Variants in KCNQ2 observed in about 807,000 individuals in gnomAD.
KCNQ2 encodes the protein potassium voltage-gated channel subfamily KQT member 2.
A neutral mutation model predicts 84.8 loss-of-function variants in KCNQ2; 14 were observed. That is an observed-to-expected ratio of 0.17 (90% CI 0.11 to 0.26). KCNQ2 has a LOEUF of 0.26. KCNQ2 is among the 10% of genes least tolerant of loss of function. The pLI is 1.00. For synonymous variants in KCNQ2, 599 were observed against 554.1 expected (o/e 1.08, Z -1.14); for missense variants, 788 against 1,254.0 (o/e 0.63, Z 5.61).
At chr20:63,440,481 C>G (rs954094680) in intron 5 of KCNQ2, among the ~76,000 whole-genome samples, 1 of 152,164 alleles carries the variant, frequency 6.6e-6, no homozygotes, top group Non-Finnish European at 1.5e-5. Flanking sequence ...CAGAACCGCA[C>G]GCACCACAAG....
intron 1 of KCNQ2, among the ~76,000 whole-genome samples, chr20:63,462,988 C>T (rs2081993099): frequency 6.6e-6 from 1 of 152,014 alleles, no homozygotes; most frequent in Non-Finnish European, 1.5e-5. Flanking sequence ...TGGGGCAGCG[C>T]AGAGGGGGCA....
At chr20:63,442,819 C>T (rs1189663323) in intron 4 of KCNQ2, among the ~76,000 whole-genome samples, 12 of 90,962 alleles carry the variant, frequency 1.3e-4, no homozygotes, top group East Asian at 3.7e-4. Context: ...CCACCACCAT[C>T]ACCATCACCA....
intron 1 of KCNQ2, among the ~76,000 whole-genome samples, chr20:63,450,400 GC>G (rs2081575186): frequency 6.8e-6 from 1 of 147,536 alleles, no homozygotes. Flanking sequence ...ACTGATGCCT[GC>G]CCCCGCTCCC....
intron 10 of KCNQ2, among the ~76,000 whole-genome samples, chr20:63,426,551 G>A (rs1029147575): frequency 4.7e-5 from 7 of 150,208 alleles, no homozygotes; most frequent in Admixed American, 4.7e-4. Flanking sequence ...GTGCTGCTCT[G>A]AATCTCCCTG....
At chr20:63,430,821 C>T (rs142111349) in intron 9 of KCNQ2, among the ~76,000 whole-genome samples, 512 of 152,300 alleles carry the variant, frequency 3.4e-3, no homozygotes, top group Non-Finnish European at 5.4e-3. Flanking sequence ...CTAGCTGGCC[C>T]GCAGAGGCTG....
intron 12 of KCNQ2, among the ~76,000 whole-genome samples, chr20:63,416,901 G>A (rs1458207631): frequency 4.6e-5 from 7 of 152,044 alleles, no homozygotes; most frequent in Non-Finnish European, 1.5e-5. Context: ...CAGACCATCT[G>A]TGCCCACTCA....
At chr20:63,434,936 GTC>G (rs1449423381) in intron 7 of KCNQ2, among the ~76,000 whole-genome samples, 2 of 152,334 alleles carry the variant, frequency 1.3e-5, no homozygotes, top group Middle Eastern at 3.4e-3. Flanking sequence ...ATTCTTTTGT[GTC>G]TGTCTATACC....
intron 1 of KCNQ2, among the ~76,000 whole-genome samples, chr20:63,467,310 C>G (rs1192856532): frequency 6.6e-6 from 1 of 152,234 alleles, no homozygotes; most frequent in Non-Finnish European, 1.5e-5. Flanking sequence ...CTCTGTGTAG[C>G]AGATTCATCT....
chr20:63,431,396 G>A, intron 8 of KCNQ2, 27 bp from the exon 9 acceptor site: 3 of 1,613,258 alleles, frequency 1.9e-6, no homozygotes, highest in Non-Finnish European at 2.5e-6. Context: ...CACACACAAA[G>A]GGAAAAGAAC....
chr20:63,412,999 A>C (rs6062444), intron 15 of KCNQ2, among the ~76,000 whole-genome samples: 37,609 of 152,016 alleles, frequency 0.25, 5,678 homozygotes, highest in Non-Finnish European at 0.36. Context: ...GGCCCACGGG[A>C]ACCCTGCAGC....
intron 11 of KCNQ2, 36 bp from the exon 12 acceptor site, chr20:63,419,708 C>A: frequency 6.3e-7 from 1 of 1,581,656 alleles, no homozygotes; most frequent in East Asian, 2.3e-5. Context: ...TCCTGGGCGC[C>A]GGCAACAGCA....
intron 1 of KCNQ2, among the ~76,000 whole-genome samples, chr20:63,465,868 C>T (rs1029278248): frequency 6.6e-6 from 1 of 152,172 alleles, no homozygotes; most frequent in Non-Finnish European, 1.5e-5. Context: ...CGTTTCCGCT[C>T]GACGCTCCGT....
chr20:63,448,216 T>G (rs1437869290), intron 1 of KCNQ2: 3 of 152,386 alleles, frequency 2.0e-5, no homozygotes, highest in African/African-American at 7.2e-5. Flanking sequence ...AAGCAAATGC[T>G]TTGTCTCATT....
chr20:63,426,892 C>T (rs746502057), intron 10 of KCNQ2, among the ~76,000 whole-genome samples: 3 of 152,198 alleles, frequency 2.0e-5, no homozygotes, highest in African/African-American at 4.8e-5. Context: ...TCATCCAAAT[C>T]CCATCAGTTC....
At position 63,407,371 on chromosome 20, in the gene KCNQ2, A is replaced by G; in HGVS notation, c.1892T>C (p.Leu631Ser). Reference sequence around the variant, plus strand: ...GAAGTCCAGCTTCTTCTCCATGGACAAGACCTGCAAAAGGGGCTGCTGGGC... The same window carrying G: ...GAAGTCCAGCTTCTTCTCCATGGACGAGACCTGCAAAAGGGGCTGCTGGGC... ...GRLGKVEKQV[L>S]SMEKKLDFLV... The change falls in exon 17 of 17, where the codon TTG (leucine) becomes TCG (serine). Residue 631 changes from leucine to serine, a missense_variant. Physicochemically the swap from Leu to Ser is moderately radical, Grantham distance 145 (BLOSUM62 -2). This residue lies in a region of KCNQ2 where 378 missense variants were observed against 434.5 expected (regional missense o/e 0.87). Transcript: ENST00000359125. This position sits in a 1 kb window ranked among gnomAD's most constrained non-coding sequence, Gnocchi z 7.2. The G allele has an allele frequency of 1.3e-6, 2 of 1,597,834 alleles. No homozygotes were observed. Among genetic ancestry groups the G allele is most frequent in the South Asian group, 1.1e-5 (1 of 91,004 alleles).
intron 10 of KCNQ2, among the ~76,000 whole-genome samples, chr20:63,427,513 C>T (rs1402540310): frequency 1.3e-5 from 2 of 152,360 alleles, no homozygotes; most frequent in African/African-American, 2.4e-5. Context: ...CAGTCCTAGA[C>T]GCCAGAGTCC....
At chr20:63,466,670 T>G (rs1407062358) in intron 1 of KCNQ2, 1 of 151,972 alleles carries the variant, frequency 6.6e-6, no homozygotes, top group Non-Finnish European at 1.5e-5. Context: ...TGCAGACAGG[T>G]TACCCCCACC....
intron 1 of KCNQ2, among the ~76,000 whole-genome samples, chr20:63,455,410 C>T (rs1035533197): frequency 3.9e-5 from 6 of 152,146 alleles, no homozygotes; most frequent in African/African-American, 9.7e-5. Flanking sequence ...CCGCGGGCGT[C>T]GGCTGGGGCT....
chr20:63,408,599 C>T lies in KCNQ2; in HGVS notation c.1764-63G>A. The T allele has an allele frequency of 5.0e-6, 8 of 1,587,860 alleles. No homozygotes were observed. The South Asian group carries it at 6.9e-5, about 14-fold the overall frequency. On this transcript the variant is annotated intron_variant, in intron 15 of 16. Coordinates refer to ENST00000359125, the MANE Select transcript of KCNQ2 (RefSeq NM_172107.4). This position sits in a 1 kb window ranked among gnomAD's most constrained non-coding sequence, Gnocchi z 5.0. The stretch of plus-strand genomic sequence containing the variant: ...GGGTGCAGCAGGGCCCCTGCCCTCT[C>T]CTCCTGGACCAGGCCACAGTGCCCC...
Sources: allele counts gnomAD v4.1 joint callset (sites outside exome capture counted in the v4.1 genomes callset), GRCh38; gene constraint gnomAD v4.1.1; regional missense constraint gnomAD v4.1.1; non-coding constraint Gnocchi (gnomAD v3.1); transcripts MANE v1.5; gene names NCBI Gene and HGNC (gene_info 2026-07-23, HGNC 2026-07-21).